Variants in BMPR1A observed in about 807,000 individuals in gnomAD.
The protein encoded by BMPR1A is bone morphogenetic protein receptor type 1A.
A neutral mutation model predicts 66.0 loss-of-function variants in BMPR1A; 7 were observed. The observed-to-expected ratio is 0.11, with a 90% CI of 0.06 to 0.20. BMPR1A has a LOEUF of 0.20. BMPR1A is among the 10% of genes least tolerant of loss of function. BMPR1A has a pLI of 1.00. For synonymous variants in BMPR1A, 200 were observed against 229.7 expected (o/e 0.87, Z 1.17); for missense variants, 408 against 669.1 (o/e 0.61, Z 4.31).
At chr10:86,833,094 A>C (rs1434657293) in intron 1 of BMPR1A, among the ~76,000 whole-genome samples, 1 of 152,188 alleles carries the variant, frequency 6.6e-6, no homozygotes, top group Non-Finnish European at 1.5e-5. Context: ...TGGACAACAG[A>C]GTGAGACCTC....
At position 86,798,393 on chromosome 10, in the gene BMPR1A, TGTTA is replaced by T. The variant is rs145350472; in HGVS notation, c.-267-40471_-267-40468del. On this transcript the variant is annotated intron_variant, in intron 1 of 12. Transcript: ENST00000372037. ...TTTGATAAATGCTATTGGTTTTGTC[TGTTA>T]TTTTTATAAATATATAATTTGCTTT... 2.3e-3 allele frequency among the ~76,000 whole-genome samples: 355 copies of T among 152,366 alleles called. 1 individual carries two copies. The highest frequency in any genetic ancestry group is 8.2e-3 in the African/African-American group (343 of 41,598).
At chr10:86,824,396 C>T (rs1227906621) in intron 1 of BMPR1A, among the ~76,000 whole-genome samples, 1 of 152,092 alleles carries the variant, frequency 6.6e-6, no homozygotes, top group African/African-American at 2.4e-5. Context: ...ATGTGACTCA[C>T]GGATTTAAAA....
chr10:86,793,515 C>T lies in BMPR1A; in HGVS notation c.-268+36596C>T, dbSNP rs141109765. 5.2e-3 allele frequency among the ~76,000 whole-genome samples: 795 copies of T among 152,024 alleles called. 23 individuals carry two copies. The highest frequency in any genetic ancestry group is 1.8e-3 in the Non-Finnish European group (124 of 67,992). On this transcript the variant is annotated intron_variant, in intron 1 of 12. Transcript: ENST00000372037. ...AGTAGCTGGGATTACAGGTGCATGC[C>T]ACCACGCCTAGCTAATTTTTGTATT... is the stretch of plus-strand genomic sequence containing the variant.
chr10:86,873,444 A>G (rs1224498543), intron 2 of BMPR1A, among the ~76,000 whole-genome samples: 3 of 151,830 alleles, frequency 2.0e-5, no homozygotes, highest in Non-Finnish European at 4.4e-5. Context: ...AAATTAAAAA[A>G]AAAAAAAAAG....
At chr10:86,784,348 T>G (rs1841484133) in intron 1 of BMPR1A, among the ~76,000 whole-genome samples, 1 of 152,214 alleles carries the variant, frequency 6.6e-6, no homozygotes, top group South Asian at 2.1e-4. Flanking sequence ...TCTGCACCAG[T>G]TCAGATTGTT....
intron 9 of BMPR1A, among the ~76,000 whole-genome samples, chr10:86,918,240 A>G (rs1278324072): frequency 6.6e-6 from 1 of 151,902 alleles, no homozygotes; most frequent in Non-Finnish European, 1.5e-5. Context: ...ATCTGCAAAG[A>G]CCCTCTTTCC....
chr10:86,918,230 A>G (rs1413371261), intron 9 of BMPR1A, among the ~76,000 whole-genome samples: 1 of 152,204 alleles, frequency 6.6e-6, no homozygotes, highest in Non-Finnish European at 1.5e-5. Flanking sequence ...ACTTGATTAC[A>G]TCTGCAAAGA....
chr10:86,853,299 A>G (rs1327200033), intron 2 of BMPR1A, among the ~76,000 whole-genome samples: 1 of 129,852 alleles, frequency 7.7e-6, no homozygotes, highest in Non-Finnish European at 1.8e-5. Flanking sequence ...TTTTTCTAAG[A>G]AAAAAAAAAA....
intron 1 of BMPR1A, among the ~76,000 whole-genome samples, chr10:86,832,600 C>T (rs1842287093): frequency 6.6e-6 from 1 of 152,134 alleles, no homozygotes; most frequent in Non-Finnish European, 1.5e-5. Flanking sequence ...ACCTCCTCAT[C>T]TAGGCAACCA....
chr10:86,853,209 G>A (rs11202227), intron 2 of BMPR1A, among the ~76,000 whole-genome samples: 68,626 of 151,552 alleles, frequency 0.45, 17,795 homozygotes, highest in East Asian at 0.71. Flanking sequence ...TTCTGTAACT[G>A]TTAGAGAAAT....
At chr10:86,873,931 A>G (rs2133307759) in intron 2 of BMPR1A, among the ~76,000 whole-genome samples, 1 of 152,366 alleles carries the variant, frequency 6.6e-6, no homozygotes, top group East Asian at 1.9e-4. Context: ...ATACACGTGT[A>G]AATGATACCT....
At chr10:86,919,495 T>C (rs1363558449) in intron 10 of BMPR1A, 26 bp downstream of exon 10, 2 of 1,611,234 alleles carry the variant, frequency 1.2e-6, no homozygotes, top group Admixed American at 3.3e-5. Context: ...CCCCACTGTT[T>C]TGAAATTATT....
intron 1 of BMPR1A, among the ~76,000 whole-genome samples, chr10:86,771,986 A>G (rs1008544243): frequency 1.1e-4 from 16 of 152,040 alleles, no homozygotes; most frequent in African/African-American, 3.6e-4. Context: ...CTTAAACAAT[A>G]TTAAAAGGTC....
chr10:86,872,104 G>A (rs750419089), intron 2 of BMPR1A, among the ~76,000 whole-genome samples: 10 of 152,172 alleles, frequency 6.6e-5, no homozygotes, highest in East Asian at 5.8e-4. Flanking sequence ...ATACCAATAC[G>A]TATTGAGCTC....
chr10:86,921,053 C>CAT (rs776539392), intron 10 of BMPR1A, among the ~76,000 whole-genome samples: 2 of 151,994 alleles, frequency 1.3e-5, no homozygotes, highest in African/African-American at 2.4e-5. Flanking sequence ...AGTGTTTTAC[C>CAT]ATGTTGGCCA....
chr10:86,819,155 T>TTTA (rs10606191), intron 1 of BMPR1A, among the ~76,000 whole-genome samples: 18,761 of 151,472 alleles, frequency 0.12, 1,800 homozygotes, highest in African/African-American at 0.27. Flanking sequence ...TGGCTACTTA[T>TTTA]TTATTATTAT....
chr10:86,845,978 C>T (rs2133150670), intron 2 of BMPR1A, among the ~76,000 whole-genome samples: 1 of 149,962 alleles, frequency 6.7e-6, no homozygotes, highest in Non-Finnish European at 1.5e-5. Flanking sequence ...GCCTGGGTGA[C>T]AGAGCGAGAC....
chr10:86,923,548 C>T (rs1047317022), intron 12 of BMPR1A, 42 bp downstream of exon 12: 2 of 1,614,168 alleles, frequency 1.2e-6, no homozygotes, highest in African/African-American at 2.7e-5. Context: ...TTCGTAAATG[C>T]CACCAAATAT....
At chr10:86,788,744 A>C (rs535225860) in intron 1 of BMPR1A, among the ~76,000 whole-genome samples, 4 of 152,000 alleles carry the variant, frequency 2.6e-5, no homozygotes, top group Non-Finnish European at 4.4e-5. Flanking sequence ...AGTAGCTGGG[A>C]TTACAGGTGC....
Sources: allele counts gnomAD v4.1 joint callset (sites outside exome capture counted in the v4.1 genomes callset), GRCh38; gene constraint gnomAD v4.1.1; transcripts MANE v1.5; gene names NCBI Gene and HGNC (gene_info 2026-07-23, HGNC 2026-07-21).